CATSPER4: variants seen among roughly 807,000 people sequenced by gnomAD.
CATSPER4 encodes the protein cation channel sperm associated 4.
A neutral mutation model predicts 54.4 loss-of-function variants in CATSPER4; 46 were observed. That is an observed-to-expected ratio of 0.84 (90% CI 0.67 to 1.08). CATSPER4 has a LOEUF of 1.08. Ranked by LOEUF, CATSPER4 falls within the 50% of genes least tolerant of loss-of-function variation. The pLI is 0.00. For missense variants in CATSPER4, 574 were observed against 612.8 expected, an observed-to-expected ratio of 0.94 and a Z score of 0.67; for synonymous variants, 230 against 231.9, an observed-to-expected ratio of 0.99 and a Z score of 0.08.
In CATSPER4 at chr1:26,197,677, A is replaced by T; in HGVS notation, c.460-9A>T. The T allele has an allele frequency of 6.2e-7, 1 of 1,608,106 alleles. No individual in the cohort carries two copies. Reference sequence around the variant, plus strand: ...TGACAGACCCCACTGGGGCTGGCCCACTCCCCAGGACGGCTGGAACATCCT... The same window carrying T: ...TGACAGACCCCACTGGGGCTGGCCCTCTCCCCAGGACGGCTGGAACATCCT... On this transcript the variant is annotated splice_polypyrimidine_tract_variant and intron_variant, in intron 3 of 9. Coordinates refer to ENST00000456354, the MANE Select transcript of CATSPER4 (RefSeq NM_198137.2).
rs748624137 is a variant in CATSPER4, at chr1:26,200,785, GC to G, written c.988-43del. On this transcript the variant is annotated intron_variant, in intron 7 of 9. Transcript: ENST00000456354. ...AGCAGGAAAAGGGTGCCGGGGGCGT[GC>G]CTGCCTGAGCTGTCCCGACCCCTCT... 4.4e-5 allele frequency: 66 copies of G among 1,502,256 alleles called. 1 individual carries two copies. In the Middle Eastern group the frequency reaches 1.0e-3, roughly 23 times the overall value. 93.1% of individuals were successfully genotyped at this position (1,502,256 alleles called of 1,614,324 possible). A position where few individuals can be genotyped will look rare whatever the true frequency, so the allele number is the denominator to read the frequency against.
At chr1:26,198,535 G>C in intron 6 of CATSPER4, 116 bp downstream of exon 6, 1 of 1,353,868 alleles carries the variant, frequency 7.4e-7, no homozygotes, top group Non-Finnish European at 1.0e-6. Flanking sequence ...CAGTAGAAGT[G>C]GGGGTTCCCA....
Position 26,190,711 on chromosome 1 carries a change from T to C in CATSPER4, c.84T>C (p.Arg28=), listed in dbSNP as rs1173810508. 6.2e-7 allele frequency: 1 copy of C among 1,613,302 alleles called. No homozygotes were observed. The highest frequency in any genetic ancestry group is 1.1e-5 in the South Asian group (1 of 90,984). The change falls in exon 1 of 10, where the codon CGT becomes CGC. Residue 28 remains arginine (R), a synonymous_variant. Transcript: ENST00000456354. ...LEGWGGTQED[R]MGFGGAVAAL... ...GGTGGGGCGGGACTCAGGAGGACCG[T>C]ATGGGGTTTGGAGGGGCAGTAGCTG...
Position 26,199,907 on chromosome 1 carries a change from T to A in CATSPER4, c.836T>A (p.Met279Lys). The A allele has an allele frequency of 6.2e-7, 1 of 1,614,130 alleles. No individual in the cohort carries two copies. The highest frequency in any genetic ancestry group is 8.5e-7 in the Non-Finnish European group (1 of 1,180,022). The change falls in exon 7 of 10, where the codon ATG (methionine) becomes AAG (lysine). Residue 279 changes from methionine to lysine, a missense_variant. By Grantham distance (95) the Met-to-Lys change is moderately conservative. Coordinates refer to ENST00000456354, the MANE Select transcript of CATSPER4 (RefSeq NM_198137.2). The stretch of plus-strand genomic sequence containing the variant: ...AGGACAGAGAAGAGGGAATATGCAA[T>A]GGAGATTGGGGGTGCCATCTACTTT... ...DFQTEKREYA[M>K]EIGGAIYFTI...
In CATSPER4 at chr1:26,200,781, G is replaced by T. The variant is rs574181062; in HGVS notation, c.988-49G>T. On this transcript the variant is annotated intron_variant, in intron 7 of 9. Coordinates refer to ENST00000456354, the MANE Select transcript of CATSPER4 (RefSeq NM_198137.2). The stretch of plus-strand genomic sequence containing the variant: ...GCCAAGCAGGAAAAGGGTGCCGGGG[G>T]CGTGCCTGCCTGAGCTGTCCCGACC... The T allele has an allele frequency of 1.8e-4, 268 of 1,450,398 alleles. 1 individual carries two copies. Among genetic ancestry groups the T allele is most frequent in the Non-Finnish European group, 2.4e-4 (247 of 1,032,238 alleles). The allele number at this position is 1,450,398 out of a possible 1,614,324, so 89.8% of individuals were successfully genotyped here. A position where few individuals can be genotyped will look rare whatever the true frequency, so the allele number is the denominator to read the frequency against.
chr1:26,195,302 T>G (rs2088923868), intron 3 of CATSPER4, among the ~76,000 whole-genome samples: 1 of 152,148 alleles, frequency 6.6e-6, no homozygotes, highest in African/African-American at 2.4e-5. Flanking sequence ...GAATAACTTA[T>G]AAAGAAAGGA....
chr1:26,192,275 G>A (rs1011894775), intron 2 of CATSPER4, among the ~76,000 whole-genome samples: 2 of 151,790 alleles, frequency 1.3e-5, no homozygotes, highest in Non-Finnish European at 2.9e-5. Context: ...CTACAGGCAC[G>A]AGCTACCATG....
chr1:26,200,880 T>C lies in CATSPER4; in HGVS notation c.1038T>C (p.Cys346=). ...EENDQLPLVH[C]VVARSEKSGL... ...ATGACCAGCTGCCACTGGTGCATTGTGTGGTCGCCCGCTCGGAGAAATCTG... is the reference window on the plus strand; with the variant it reads ...ATGACCAGCTGCCACTGGTGCATTGCGTGGTCGCCCGCTCGGAGAAATCTG... Residue 346 remains cysteine (C), a synonymous_variant, in exon 8 of 10, where the codon TGT becomes TGC. Transcript: ENST00000456354. 6.2e-7 allele frequency: 1 copy of C among 1,614,138 alleles called. No homozygotes were observed. Among genetic ancestry groups the C allele is most frequent in the South Asian group, 1.1e-5 (1 of 91,086 alleles).
At position 26,202,539 on chromosome 1, in the gene CATSPER4, C is replaced by G; in HGVS notation, c.1416C>G (p.His472Gln). The G allele has an allele frequency of 6.2e-7, 1 of 1,610,578 alleles. No individual in the cohort carries two copies. Among genetic ancestry groups the G allele is most frequent in the Non-Finnish European group, 8.5e-7 (1 of 1,178,242 alleles). The change falls in exon 10 of 10, where the codon CAC becomes CAG. Residue 472 changes from histidine to glutamine, a missense_variant. Transcript: ENST00000456354. ...TCCTTAAAAAACACAAGAGCAGCCA[C>G]TGAGAGGCCAGGATGGGAGCCAAGG... ...QILLKKHKSSH is the reference protein window; with the variant it reads ...QILLKKHKSSQ
intron 6 of CATSPER4, 128 bp downstream of exon 6, chr1:26,198,547 G>A (rs2088971225): frequency 8.4e-7 from 1 of 1,189,098 alleles, no homozygotes; most frequent in African/African-American, 1.5e-5. Context: ...GGGTTCCCAG[G>A]TCTTTAAACA....
rs199726912 is a variant in CATSPER4 at position 26,197,965 on chromosome 1, G to T, written c.566G>T (p.Arg189Leu). ...PSINYTLRAL[R>L]LVHVCMAVEP... is the part of the protein sequence containing the mutation. ...GACAGGCTCTGCCACAGGGCGCTTC[G>T]TCTGGTGCATGTGTGCATGGCGGTG... The change falls in exon 5 of 10, where the codon CGT becomes CTT. Residue 189 changes from arginine to leucine, a missense_variant. Transcript: ENST00000456354. 2 of 1,613,328 alleles carry T rather than the reference G, an allele frequency of 1.2e-6. No homozygotes were observed. The highest frequency in any genetic ancestry group is 2.2e-5 in the South Asian group (2 of 91,054).
intron 2 of CATSPER4, among the ~76,000 whole-genome samples, 185 bp from the exon 3 acceptor site, chr1:26,193,602 C>A (rs969801255): frequency 6.6e-6 from 1 of 152,132 alleles, no homozygotes; most frequent in Non-Finnish European, 1.5e-5. Flanking sequence ...TGTGTGATAG[C>A]CCCAGCACAG....
chr1:26,200,792 TGAGC>T, intron 7 of CATSPER4, 34 bp from the exon 8 acceptor site: 1 of 1,551,810 alleles, frequency 6.4e-7, no homozygotes, highest in Non-Finnish European at 8.9e-7. Context: ...CGTGCCTGCC[TGAGC>T]TGTCCCGACC....
At chr1:26,199,304 C>T (rs1008870940) in intron 6 of CATSPER4, among the ~76,000 whole-genome samples, 7 of 151,820 alleles carry the variant, frequency 4.6e-5, no homozygotes, top group Non-Finnish European at 8.8e-5. Context: ...GACGGTGGGG[C>T]GCCTGTAATC....
intron 2 of CATSPER4, 88 bp from the exon 3 acceptor site, chr1:26,193,699 C>A: frequency 1.2e-6 from 1 of 835,228 alleles, no homozygotes; most frequent in Non-Finnish European, 2.1e-6. Flanking sequence ...GGACTTCCCT[C>A]CCCTACATAC....
At chr1:26,194,025 G>A in intron 3 of CATSPER4, 137 bp downstream of exon 3, 1 of 723,926 alleles carries the variant, frequency 1.4e-6, no homozygotes, top group Admixed American at 2.0e-5. Flanking sequence ...GTTCAGAGAT[G>A]TGTATGATGT....
chr1:26,202,783 A>T lies in CATSPER4; in HGVS notation c.*241A>T. The T allele has an allele frequency of 1.7e-6, 1 of 580,686 alleles. No homozygotes were observed. Among genetic ancestry groups the T allele is most frequent in the Non-Finnish European group, 3.1e-6 (1 of 324,382 alleles). 36.0% of individuals were successfully genotyped at this position (580,686 alleles called of 1,614,324 possible). On this transcript the variant is annotated 3_prime_UTR_variant, in exon 10 of 10. Coordinates refer to ENST00000456354, the MANE Select transcript of CATSPER4 (RefSeq NM_198137.2). Reference sequence around the variant, plus strand: ...GAGAGTGGGAACCCTAGCAGCAAGGATGAGCACAGAAGGGGGTGCTGGCCA... The same window carrying T: ...GAGAGTGGGAACCCTAGCAGCAAGGTTGAGCACAGAAGGGGGTGCTGGCCA...
chr1:26,196,741 A>G (rs566587801), intron 3 of CATSPER4, among the ~76,000 whole-genome samples: 2 of 151,966 alleles, frequency 1.3e-5, no homozygotes, highest in South Asian at 4.2e-4. Flanking sequence ...ATACAAATGT[A>G]ATTTTGTACT....
Position 26,197,786 on chromosome 1 carries a change from G to A in CATSPER4, c.557+3G>A. ...CCCTCCATCAACTACACTCTCAGGT[G>A]AGCGGGGAGCTCTGGAGAAATGAGG... On this transcript the variant is annotated splice_donor_region_variant and intron_variant, in intron 4 of 9. Transcript: ENST00000456354. The A allele has an allele frequency of 1.2e-6, 2 of 1,611,992 alleles. No homozygotes were observed. Among genetic ancestry groups the A allele is most frequent in the South Asian group, 2.2e-5 (2 of 91,044 alleles).
Sources: gnomAD v4.1 joint callset for allele counts (sites outside exome capture counted in the v4.1 genomes callset) on GRCh38, gnomAD v4.1.1 for gene constraint, MANE v1.5 for transcripts, NCBI Gene and HGNC (gene_info 2026-07-23, HGNC 2026-07-21) for gene names.